Variants in FRAS1 observed in about 807,000 individuals in gnomAD.
The protein encoded by FRAS1 is Fraser extracellular matrix complex subunit 1.
Under a neutral mutation model 435.2 loss-of-function variants are expected in FRAS1, and 290 were observed. The observed-to-expected ratio is 0.67, with a 90% confidence interval of 0.61 to 0.73. The LOEUF (loss-of-function observed/expected upper bound fraction) is 0.73, where lower values mean the gene tolerates loss of function less well. Ranked by LOEUF, FRAS1 falls within the 30% of genes least tolerant of loss-of-function variation. The pLI, the probability that FRAS1 is intolerant of heterozygous loss-of-function variation, is 0.00. For missense variants in FRAS1, 4,860 were observed against 5,001.5 expected (o/e 0.97, Z 0.85); for synonymous variants, 1,800 against 1,851.0 (o/e 0.97, Z 0.71).
At chr4:78,337,325 T>C (rs1214230293) in intron 19 of FRAS1, among the ~76,000 whole-genome samples, 1 of 152,176 alleles carries the variant, frequency 6.6e-6, no homozygotes, top group African/African-American at 2.4e-5. Context: ...CATGGTATGT[T>C]AGGGTCAGGG....
At position 78,387,552 on chromosome 4, in the gene FRAS1, A is replaced by G. The variant is rs1422651384; in HGVS notation, c.3826A>G (p.Ile1276Val). 6.2e-7 allele frequency: 1 copy of G among 1,613,586 alleles called. No homozygotes were observed. The highest frequency in any genetic ancestry group is 1.3e-5 in the African/African-American group (1 of 74,838). ...LQTLQSPATPIYQFQLDELSR... is the reference protein window; with the variant it reads ...LQTLQSPATPVYQFQLDELSR... The stretch of plus-strand genomic sequence containing the variant: ...GACACTTCAGTCCCCGGCAACCCCT[A>G]TCTATCAATTCCAGCTGGATGAACT... The change falls in exon 29 of 74, where the codon ATC (isoleucine) becomes GTC (valine). Residue 1276 changes from isoleucine (I) to valine (V), a missense_variant. Physicochemically the swap from Ile to Val is conservative, Grantham distance 29. Coordinates refer to ENST00000512123, the MANE Select transcript of FRAS1 (RefSeq NM_025074.7).
chr4:78,505,688 C>T (rs1420770557), intron 61 of FRAS1, among the ~76,000 whole-genome samples: 6 of 152,078 alleles, frequency 3.9e-5, no homozygotes, highest in East Asian at 1.9e-4. Context: ...TCCTTTAGCT[C>T]GGAGAAGTTT....
intron 2 of FRAS1, among the ~76,000 whole-genome samples, chr4:78,194,292 A>G (rs1043172521): frequency 9.2e-5 from 14 of 152,070 alleles, no homozygotes; most frequent in Non-Finnish European, 1.2e-4. Context: ...GGCATTCTCT[A>G]TATTTCCTGA....
At chr4:78,448,463 C>T in intron 44 of FRAS1, 147 bp downstream of exon 44, 1 of 739,010 alleles carries the variant, frequency 1.4e-6, no homozygotes. Context: ...TCTTGGAAAA[C>T]TATTGTTTTT....
chr4:78,304,813 C>T (rs1728618016), intron 14 of FRAS1, among the ~76,000 whole-genome samples: 3 of 143,994 alleles, frequency 2.1e-5, no homozygotes, highest in East Asian at 4.2e-4. Context: ...AAAAAACCAG[C>T]TCCTGGATTC....
Position 78,282,967 on chromosome 4 carries a change from G to C in FRAS1, c.1255G>C (p.Val419Leu). The change falls in exon 12 of 74, where the codon GTT (valine) becomes CTT (leucine). Residue 419 changes from valine to leucine, a missense_variant and splice_region_variant. Val to Leu is a conservative substitution (Grantham distance 32). Coordinates refer to ENST00000512123, the MANE Select transcript of FRAS1 (RefSeq NM_025074.7). ...KGQCCPDCTS[V>L]HCHPDCLTCS... ...ACAGTGCTGTCCAGACTGCACATCA[G>C]GTGGGTCCATGTCTCCTCTGTTTCT... 6.6e-7 allele frequency: 1 copy of C among 1,521,794 alleles called. No homozygotes were observed. The highest frequency in any genetic ancestry group is 8.8e-7 in the Non-Finnish European group (1 of 1,138,636). The allele number at this position is 1,521,794 out of a possible 1,614,324, so 94.3% of individuals were successfully genotyped here. A position where few individuals can be genotyped will look rare whatever the true frequency, so the allele number is the denominator to read the frequency against.
intron 2 of FRAS1, among the ~76,000 whole-genome samples, chr4:78,141,939 A>G (rs1455485180): frequency 6.6e-6 from 1 of 152,076 alleles, no homozygotes. Context: ...AGCTATGAGG[A>G]TGTAAAGGCC....
chr4:78,540,932 T>A lies in FRAS1; in HGVS notation c.11847T>A (p.Asn3949Lys). ...AEDILEEYPL[N>K]TKVEVPKRHP... is the part of the protein sequence containing the mutation. ...ACATTTTGGAAGAATATCCTCTGAA[T>A]ACCAAGGTAGAAGTGCCCAAGAGGC... The change falls in exon 74 of 74, where the codon AAT (asparagine) becomes AAA (lysine). Residue 3949 changes from asparagine (N) to lysine (K), a missense_variant. Coordinates refer to ENST00000512123, the MANE Select transcript of FRAS1 (RefSeq NM_025074.7). The A allele has an allele frequency of 6.2e-7, 1 of 1,613,978 alleles. No individual in the cohort carries two copies.
At chr4:78,190,171 C>T (rs1350703904) in intron 2 of FRAS1, among the ~76,000 whole-genome samples, 2 of 152,244 alleles carry the variant, frequency 1.3e-5, no homozygotes, top group African/African-American at 4.8e-5. Flanking sequence ...CTGCCTCCCC[C>T]TCAGACCTCA....
intron 2 of FRAS1, among the ~76,000 whole-genome samples, chr4:78,145,217 A>C (rs894824365): frequency 1.3e-5 from 2 of 152,132 alleles, no homozygotes; most frequent in African/African-American, 4.8e-5. Context: ...CAGGGTACTA[A>C]TCAGGGCTTT....
intron 2 of FRAS1, chr4:78,182,025 C>G: frequency 6.5e-7 from 1 of 1,529,158 alleles, no homozygotes; most frequent in South Asian, 1.3e-5. Flanking sequence ...CAGCCGAAGC[C>G]TTCCTGTAAG....
intron 2 of FRAS1, among the ~76,000 whole-genome samples, chr4:78,202,835 A>G (rs1438118371): frequency 6.6e-6 from 1 of 152,226 alleles, no homozygotes; most frequent in Non-Finnish European, 1.5e-5. Context: ...TAAAGGGGTC[A>G]CTATCTATGC....
chr4:78,202,002 A>C (rs1723069436), intron 2 of FRAS1, among the ~76,000 whole-genome samples: 1 of 152,152 alleles, frequency 6.6e-6, no homozygotes, highest in African/African-American at 2.4e-5. Context: ...CCAGCCTCCA[A>C]GACTTTTGGA....
Position 78,432,594 on chromosome 4 carries a change from T to C in FRAS1, c.5207T>C (p.Leu1736Pro). Residue 1736 changes from leucine to proline, a missense_variant, in exon 38 of 74, where the codon CTT (leucine) becomes CCT (proline). Leu to Pro is a moderately conservative substitution (Grantham distance 98). Coordinates refer to ENST00000512123, the MANE Select transcript of FRAS1 (RefSeq NM_025074.7). ...KSTAIITRSH[L>P]AYVDDSSPDP... Reference sequence around the variant, plus strand: ...ACAGCCATAATCACTAGGTCACACCTTGCTTACGTGGTAAGTTCTTCCATT... The same window carrying C: ...ACAGCCATAATCACTAGGTCACACCCTGCTTACGTGGTAAGTTCTTCCATT... The C allele has an allele frequency of 6.3e-7, 1 of 1,577,242 alleles. No homozygotes were observed. The highest frequency in any genetic ancestry group is 8.6e-7 in the Non-Finnish European group (1 of 1,158,410).
chr4:78,428,027 T>C (rs941097711), intron 35 of FRAS1, among the ~76,000 whole-genome samples: 3 of 152,194 alleles, frequency 2.0e-5, no homozygotes, highest in African/African-American at 7.2e-5. Flanking sequence ...ATAAACACAT[T>C]GATGAGCTGA....
At chr4:78,305,400 C>A (rs1418472945) in intron 14 of FRAS1, among the ~76,000 whole-genome samples, 5 of 150,208 alleles carry the variant, frequency 3.3e-5, no homozygotes, top group East Asian at 2.0e-4. Flanking sequence ...GAGCTGAGTT[C>A]AATTCCTGGG....
intron 41 of FRAS1, chr4:78,444,104 C>T (rs769100838): frequency 7.6e-5 from 34 of 447,312 alleles, no homozygotes; most frequent in Non-Finnish European, 1.3e-4. Context: ...ATCCTCCTGC[C>T]TTGGCCTCCC....
chr4:78,485,273 T>G (rs1720134318), intron 58 of FRAS1, among the ~76,000 whole-genome samples: 1 of 152,222 alleles, frequency 6.6e-6, no homozygotes, highest in Non-Finnish European at 1.5e-5. Flanking sequence ...GTTGATTTCT[T>G]TTCTTCCTGA....
rs112330563 is a variant in FRAS1, at chr4:78,286,454, C to T, written c.1449C>T (p.Ser483=). The T allele has an allele frequency of 6.2e-7, 1 of 1,613,612 alleles. No individual in the cohort carries two copies. Among genetic ancestry groups the T allele is most frequent in the African/African-American group, 1.3e-5 (1 of 74,926 alleles). Residue 483 remains serine (S), a synonymous_variant, in exon 14 of 74, where the codon TCC becomes TCT. Coordinates refer to ENST00000512123, the MANE Select transcript of FRAS1 (RefSeq NM_025074.7). The part of the protein sequence containing the change: ...STCTSGLECS[S]CQPPLLMRHG... ...GTACCAGTGGGCTGGAGTGCTCATC[C>T]TGCCAGCCTCCCCTGCTGATGCGGC...
Sources: gnomAD v4.1 joint callset for allele counts (sites outside exome capture counted in the v4.1 genomes callset) on GRCh38, gnomAD v4.1.1 for gene constraint, MANE v1.5 for transcripts, NCBI Gene and HGNC (gene_info 2026-07-23, HGNC 2026-07-21) for gene names.